The following GPR137B variants were observed in gnomAD, a reference collection of about 807,000 sequenced individuals.
GPR137B encodes integral membrane protein GPR137B.
GPR137B carries 42 observed loss-of-function variants against 42.5 expected under a neutral mutation model. The observed-to-expected ratio is 0.99, with a 90% CI of 0.77 to 1.28. The LOEUF is 1.28. GPR137B is among the 50% of genes most tolerant of loss of function. GPR137B has a pLI of 0.00. For missense variants in GPR137B, 487 were observed against 493.9 expected (o/e 0.99, Z 0.13); for synonymous variants, 218 against 209.7 (o/e 1.04, Z -0.34).
intron 5 of GPR137B, among the ~76,000 whole-genome samples, chr1:236,186,324 A>ATATATT: frequency 2.0e-5 from 1 of 50,212 alleles, no homozygotes; most frequent in African/African-American, 1.5e-4. Context: ...TAATATAAAT[A>ATATATT]ATATATAATT....
chr1:236,205,294 G>C (rs751214911), intron 6 of GPR137B, 44 bp downstream of exon 6: 1 of 1,544,992 alleles, frequency 6.5e-7, no homozygotes, highest in Non-Finnish European at 8.9e-7. Context: ...CAGGAGGGAA[G>C]GGTTACACCA....
At chr1:236,151,634 G>A (rs1010445755) in intron 1 of GPR137B, among the ~76,000 whole-genome samples, 1 of 152,026 alleles carries the variant, frequency 6.6e-6, no homozygotes, top group Non-Finnish European at 1.5e-5. Flanking sequence ...ATGTTGGCCA[G>A]GATGATCTCG....
intron 1 of GPR137B, among the ~76,000 whole-genome samples, chr1:236,154,953 C>T (rs1015272591): frequency 1.3e-5 from 2 of 152,164 alleles, no homozygotes; most frequent in African/African-American, 2.4e-5. Flanking sequence ...AGGGGCAGGG[C>T]CCTGGCTGGT....
Position 236,166,337 on chromosome 1 carries a change from C to T in GPR137B, c.415-2369C>T, listed in dbSNP as rs188061585. Among the ~76,000 whole-genome samples, 11 of 144,854 alleles carry T rather than the reference C, an allele frequency of 7.6e-5. No individual in the cohort carries two copies. In the East Asian group the frequency reaches 1.9e-3, roughly 25 times the overall value. On this transcript the variant is annotated intron_variant, in intron 1 of 6. Coordinates refer to ENST00000366592, the MANE Select transcript of GPR137B (RefSeq NM_003272.4). The stretch of plus-strand genomic sequence containing the variant: ...GATGTCAGAGAAATACCAAAGGTGA[C>T]GTGTCTTGCCTAAAATCCCGTGGTG...
chr1:236,180,326 G>A (rs148502165), intron 4 of GPR137B: 109 of 268,656 alleles, frequency 4.1e-4, no homozygotes, highest in African/African-American at 2.1e-3. Flanking sequence ...TTTTTGATCC[G>A]TGGATGGTTG....
At position 236,196,769 on chromosome 1, in the gene GPR137B, G is replaced by A. The variant is rs1219583526; in HGVS notation, c.967-8357G>A. On this transcript the variant is annotated intron_variant, in intron 5 of 6. Coordinates refer to ENST00000366592, the MANE Select transcript of GPR137B (RefSeq NM_003272.4). ...AATAATGGTCTCCAACTCCATCCAG[G>A]TTGTTGTGGATGCTATTTCATTCCT... 3.9e-5 allele frequency among the ~76,000 whole-genome samples: 6 copies of A among 152,150 alleles called. No homozygotes were observed. In the East Asian group the frequency reaches 1.2e-3, roughly 29 times the overall value.
chr1:236,151,986 G>T (rs1248362556), intron 1 of GPR137B, among the ~76,000 whole-genome samples: 1 of 152,084 alleles, frequency 6.6e-6, no homozygotes. Flanking sequence ...GGCAGGGTGT[G>T]AGCAACCTTG....
rs150314175 is a variant in GPR137B, at chr1:236,149,756, C to T, written c.414+6720C>T. Among the ~76,000 whole-genome samples the T allele has an allele frequency of 5.1e-3, 782 of 152,386 alleles. 7 individuals carry two copies. Among genetic ancestry groups the T allele is most frequent in the African/African-American group, 0.018 (729 of 41,590 alleles). Reference sequence around the variant, plus strand: ...TGCTCAGCCTGGCCTCTGGGCCCTGCGCCCATGGCCTCAGCCCCTGGCACC... The same window carrying T: ...TGCTCAGCCTGGCCTCTGGGCCCTGTGCCCATGGCCTCAGCCCCTGGCACC... On this transcript the variant is annotated intron_variant, in intron 1 of 6. Transcript: ENST00000366592.
chr1:236,157,863 G>A (rs1178872806), intron 1 of GPR137B, among the ~76,000 whole-genome samples: 2 of 152,198 alleles, frequency 1.3e-5, no homozygotes, highest in East Asian at 1.9e-4. Context: ...AGCTAGAACT[G>A]TGTGTATCAA....
intron 1 of GPR137B, among the ~76,000 whole-genome samples, chr1:236,146,367 A>C (rs901274855): frequency 1.3e-5 from 2 of 152,116 alleles, no homozygotes; most frequent in African/African-American, 4.8e-5. Flanking sequence ...CTGGAGGCTG[A>C]AGCTGGGTGG....
chr1:236,171,602 C>T lies in GPR137B; in HGVS notation c.464+2847C>T, dbSNP rs932200214. Among the ~76,000 whole-genome samples, 3 of 152,160 alleles carry T rather than the reference C, an allele frequency of 2.0e-5. No individual in the cohort carries two copies. The highest frequency in any genetic ancestry group is 1.3e-4 in the Admixed American group (2 of 15,282). On this transcript the variant is annotated intron_variant, in intron 2 of 6. Coordinates refer to ENST00000366592, the MANE Select transcript of GPR137B (RefSeq NM_003272.4). This position sits in a 1 kb window ranked among gnomAD's most constrained non-coding sequence, Gnocchi z 4.4. ...GGGTCTTCGGGTGAGAAGATATGTG[C>T]GTGGGGCAGTCCTTGCTTGATCCTT...
At position 236,155,636 on chromosome 1, in the gene GPR137B, C is replaced by T. The variant is rs943703121; in HGVS notation, c.414+12600C>T. Among the ~76,000 whole-genome samples, 1 of 151,978 alleles carries T rather than the reference C, an allele frequency of 6.6e-6. No homozygotes were observed. Among genetic ancestry groups the T allele is most frequent in the Non-Finnish European group, 1.5e-5 (1 of 68,002 alleles). ...GAGTTCTGCCTTCTGGGTGGCCAGC[C>T]TGTGTTGGCGCCGTTGGATGGAGTG... On this transcript the variant is annotated intron_variant, in intron 1 of 6. Coordinates refer to ENST00000366592, the MANE Select transcript of GPR137B (RefSeq NM_003272.4). This position sits in a 1 kb window ranked among gnomAD's most constrained non-coding sequence, Gnocchi z 4.6.
intron 3 of GPR137B, among the ~76,000 whole-genome samples, chr1:236,178,878 A>G (rs987526379): frequency 7.6e-6 from 1 of 132,430 alleles, no homozygotes; most frequent in Non-Finnish European, 1.5e-5. Context: ...GCTCACTGCA[A>G]GCTCCGCCTC....
chr1:236,156,181 G>T lies in GPR137B; in HGVS notation c.415-12525G>T, dbSNP rs1249526512. Among the ~76,000 whole-genome samples the T allele has an allele frequency of 6.6e-6, 1 of 152,196 alleles. No homozygotes were observed. Among genetic ancestry groups the T allele is most frequent in the Non-Finnish European group, 1.5e-5 (1 of 68,044 alleles). On this transcript the variant is annotated intron_variant, in intron 1 of 6. Transcript: ENST00000366592. This position sits in a 1 kb window ranked among gnomAD's most constrained non-coding sequence, Gnocchi z 4.8. ...TGGGAAGAAGCTCACTGAAGTCTGG[G>T]GGGCCCACATTCCAAGGGCCAGCAC...
In GPR137B at chr1:236,207,337, T is replaced by C. The variant is rs546033626; in HGVS notation, c.1092-713T>C. 3 of 920,470 alleles carry C rather than the reference T, an allele frequency of 3.3e-6. No individual in the cohort carries two copies. In the South Asian group the frequency reaches 1.5e-4, roughly 46 times the overall value. The allele number at this position is 920,470 out of a possible 1,614,324, so 57.0% of individuals were successfully genotyped here. ...GACTTCTTGAAGTCAAAAGCTGTCC[T>C]TTGGGTCACTCAGATTCTGAGCTCC... is the stretch of plus-strand genomic sequence containing the variant. On this transcript the variant is annotated intron_variant, in intron 6 of 6. Coordinates refer to ENST00000366592, the MANE Select transcript of GPR137B (RefSeq NM_003272.4).
rs1300087491 is a variant in GPR137B, at chr1:236,208,848, G to A, written c.*690G>A. The stretch of plus-strand genomic sequence containing the variant: ...GCTAATGTATACACATTAATGATAA[G>A]TTGATAACATTAAAAATGTAGCTGA... On this transcript the variant is annotated 3_prime_UTR_variant, in exon 7 of 7. Transcript: ENST00000366592. 5 of 981,100 alleles carry A rather than the reference G, an allele frequency of 5.1e-6. No individual in the cohort carries two copies. The highest frequency in any genetic ancestry group is 4.8e-6 in the Non-Finnish European group (4 of 826,214). 60.8% of individuals were successfully genotyped at this position (981,100 alleles called of 1,614,324 possible).
chr1:236,208,404 T>C lies in GPR137B; in HGVS notation c.*246T>C. 1 of 1,079,644 alleles carries C rather than the reference T, an allele frequency of 9.3e-7. No homozygotes were observed. Among genetic ancestry groups the C allele is most frequent in the South Asian group, 3.6e-5 (1 of 28,004 alleles). The allele number at this position is 1,079,644 out of a possible 1,614,324, so 66.9% of individuals were successfully genotyped here. On this transcript the variant is annotated 3_prime_UTR_variant, in exon 7 of 7. Transcript: ENST00000366592. Reference sequence around the variant, plus strand: ...ACTTTTTAAAGAAAATCTGTACTTTTATAAAGATGTATTTTGTATAACTTA... The same window carrying C: ...ACTTTTTAAAGAAAATCTGTACTTTCATAAAGATGTATTTTGTATAACTTA...
intron 1 of GPR137B, among the ~76,000 whole-genome samples, chr1:236,148,253 G>T (rs1286115424): frequency 6.6e-6 from 1 of 152,152 alleles, no homozygotes; most frequent in African/African-American, 2.4e-5. Flanking sequence ...AAGCAAAGGC[G>T]GTAGCTTCTG....
Position 236,208,107 on chromosome 1 carries a change from A to G in GPR137B, c.1149A>G (p.Ala383=). 6.2e-7 allele frequency: 1 copy of G among 1,613,716 alleles called. No homozygotes were observed. The highest frequency in any genetic ancestry group is 8.5e-7 in the Non-Finnish European group (1 of 1,179,606). The change falls in exon 7 of 7, where the codon GCA becomes GCG. Residue 383 remains alanine (A), a synonymous_variant. Coordinates refer to ENST00000366592, the MANE Select transcript of GPR137B (RefSeq NM_003272.4). ...AAACTAACAGCTTCCTGGCACAAGC[A>G]GGAACTTTGCAAGACTCAACTTTGG... The part of the protein sequence containing the change: ...GQQTNSFLAQ[A]GTLQDSTLDP...
Sources: allele counts gnomAD v4.1 joint callset (sites outside exome capture counted in the v4.1 genomes callset), GRCh38; gene constraint gnomAD v4.1.1; non-coding constraint Gnocchi (gnomAD v3.1); transcripts MANE v1.5; gene names NCBI Gene and HGNC (gene_info 2026-07-23, HGNC 2026-07-21).